The following TAFA2 variants were observed in gnomAD, a reference collection of about 807,000 sequenced individuals.
The protein encoded by TAFA2 is TAFA chemokine like family member 2, also known as chemokine-like protein TAFA-2.
A neutral mutation model predicts 18.8 loss-of-function variants in TAFA2; 7 were observed. The observed-to-expected ratio is 0.37, with a 90% CI of 0.21 to 0.70. TAFA2 has a LOEUF of 0.70. Among genes scored for constraint, TAFA2 ranks in the 30% least tolerant of loss-of-function variants. The pLI, the probability that TAFA2 is intolerant of heterozygous loss-of-function variation, is 0.53. For missense variants in TAFA2, 122 were observed against 158.1 expected (o/e 0.77, Z 1.23); for synonymous variants, 60 against 54.2 (o/e 1.11, Z -0.47).
chr12:62,115,874 C>T (rs2136871781), intron 1 of TAFA2, among the ~76,000 whole-genome samples: 1 of 152,290 alleles, frequency 6.6e-6, no homozygotes, highest in African/African-American at 2.4e-5. Flanking sequence ...TTACGTCTAG[C>T]TGGCTCAACT....
intron 2 of TAFA2, among the ~76,000 whole-genome samples, chr12:61,802,841 T>C (rs1018872719): frequency 2.0e-5 from 3 of 152,012 alleles, no homozygotes; most frequent in African/African-American, 7.2e-5. Context: ...TATTGGAATA[T>C]CACTCTATAT....
At chr12:62,188,215 T>C (rs1241055863) in intron 1 of TAFA2, among the ~76,000 whole-genome samples, 1 of 152,166 alleles carries the variant, frequency 6.6e-6, no homozygotes, top group African/African-American at 2.4e-5. Flanking sequence ...GGATGATTAT[T>C]TTACCCCAAG....
chr12:62,083,659 A>C (rs1868357473), intron 1 of TAFA2, among the ~76,000 whole-genome samples: 1 of 152,230 alleles, frequency 6.6e-6, no homozygotes, highest in African/African-American at 2.4e-5. Context: ...CCATTAAGAA[A>C]TTTGGTTCAT....
At chr12:61,853,570 A>T (rs1156941449) in intron 2 of TAFA2, among the ~76,000 whole-genome samples, 1 of 152,142 alleles carries the variant, frequency 6.6e-6, no homozygotes, top group Non-Finnish European at 1.5e-5. Context: ...TATCATAAGG[A>T]TGGCAAAACT....
At chr12:62,059,202 C>CAGCTATCA (rs959049889) in intron 1 of TAFA2, among the ~76,000 whole-genome samples, 2 of 148,254 alleles carry the variant, frequency 1.3e-5, no homozygotes, top group African/African-American at 5.0e-5. Context: ...CCTGTAGTCC[C>CAGCTATCA]AGCTATCAGA....
At chr12:61,795,294 G>A (rs557840027) in intron 2 of TAFA2, among the ~76,000 whole-genome samples, 23 of 152,124 alleles carry the variant, frequency 1.5e-4, no homozygotes, top group African/African-American at 3.9e-4. Context: ...TGTTTATTGC[G>A]GCACTATTCA....
At chr12:61,741,933 G>T (rs1227513180) in intron 4 of TAFA2, among the ~76,000 whole-genome samples, 2 of 152,094 alleles carry the variant, frequency 1.3e-5, no homozygotes, top group Non-Finnish European at 2.9e-5. Flanking sequence ...GTCTCACTCT[G>T]TCACCCAGGT....
chr12:61,876,802 T>A (rs1443347672), intron 1 of TAFA2, among the ~76,000 whole-genome samples: 2 of 152,142 alleles, frequency 1.3e-5, no homozygotes, highest in Non-Finnish European at 2.9e-5. Flanking sequence ...GACTGTTTAA[T>A]CAACTTCACT....
intron 1 of TAFA2, chr12:62,253,440 A>G (rs2062924088): frequency 6.6e-6 from 1 of 152,236 alleles, no homozygotes; most frequent in South Asian, 2.1e-4. Context: ...TGACTGAGAC[A>G]ACAGAAGTAT....
chr12:62,147,746 A>G (rs1365630555), intron 1 of TAFA2, among the ~76,000 whole-genome samples: 7 of 148,328 alleles, frequency 4.7e-5, no homozygotes, highest in East Asian at 2.0e-4. Context: ...AAAAAAAAAA[A>G]AAAAAGAAAC....
chr12:61,882,914 C>A (rs539631410), intron 1 of TAFA2, among the ~76,000 whole-genome samples: 21 of 152,244 alleles, frequency 1.4e-4, no homozygotes, highest in African/African-American at 4.8e-4. Context: ...AACTACCTCA[C>A]AAGGTTGTTG....
chr12:62,013,344 A>C (rs1335824702), intron 1 of TAFA2, among the ~76,000 whole-genome samples: 1 of 152,208 alleles, frequency 6.6e-6, no homozygotes, highest in East Asian at 1.9e-4. Context: ...GTTTGAACTA[A>C]TGCAGGATCA....
intron 1 of TAFA2, among the ~76,000 whole-genome samples, chr12:62,064,429 T>G (rs932702500): frequency 2.6e-5 from 4 of 151,966 alleles, no homozygotes; most frequent in Admixed American, 2.0e-4. Context: ...AATAAACAAC[T>G]TACCTGTTTT....
At chr12:62,258,804 TC>T in exon 1 of TAFA2, 1 of 340,708 alleles carries the variant, frequency 2.9e-6, no homozygotes, top group Non-Finnish European at 6.0e-6. Context: ...TTCTGCAGCT[TC>T]CCTTCAGAAA....
intron 1 of TAFA2, among the ~76,000 whole-genome samples, chr12:61,968,665 T>C (rs1255473606): frequency 1.3e-5 from 2 of 151,800 alleles, no homozygotes; most frequent in Non-Finnish European, 2.9e-5. Context: ...TTCTAGTCAC[T>C]GTGCTAATCA....
chr12:61,971,232 T>C (rs1036387752), intron 1 of TAFA2, among the ~76,000 whole-genome samples: 1 of 151,618 alleles, frequency 6.6e-6, no homozygotes, highest in African/African-American at 2.4e-5. Flanking sequence ...GAAGGATAAA[T>C]AGAAATAAGA....
intron 1 of TAFA2, among the ~76,000 whole-genome samples, chr12:61,937,742 C>A (rs551847698): frequency 1.3e-5 from 2 of 151,890 alleles, no homozygotes; most frequent in Non-Finnish European, 2.9e-5. Context: ...GGACGTTGGC[C>A]TAAGCAAATA....
chr12:62,108,310 C>T (rs919043683), intron 1 of TAFA2, among the ~76,000 whole-genome samples: 2 of 152,166 alleles, frequency 1.3e-5, no homozygotes, highest in African/African-American at 2.4e-5. Flanking sequence ...CTGCAAAGGA[C>T]ATGAACTCAT....
intron 1 of TAFA2, among the ~76,000 whole-genome samples, chr12:61,947,704 C>T (rs903916100): frequency 6.6e-6 from 1 of 152,114 alleles, no homozygotes; most frequent in African/African-American, 2.4e-5. Context: ...TCTCTGGCCC[C>T]TGAAAGTTAA....
Sources: gnomAD v4.1 joint callset for allele counts (sites outside exome capture counted in the v4.1 genomes callset) on GRCh38, gnomAD v4.1.1 for gene constraint, MANE v1.5 for transcripts, NCBI Gene and HGNC (gene_info 2026-07-23, HGNC 2026-07-21) for gene names.